Variants in TAFA5 observed in about 807,000 individuals in gnomAD.
TAFA5 encodes the protein chemokine-like protein TAFA-5.
In TAFA5, 6 loss-of-function variants were observed where a neutral mutation model predicts 15.3. The ratio of observed to expected loss-of-function variants is 0.39; its 90% CI spans 0.21 to 0.77. The LOEUF is 0.77. TAFA5 is among the 30% of genes least tolerant of loss of function. The pLI, the probability that TAFA5 is intolerant of heterozygous loss-of-function variation, is 0.41. For missense variants in TAFA5, 161 were observed against 193.1 expected (o/e 0.83, Z 0.98); for synonymous variants, 103 against 80.7 (o/e 1.28, Z -1.48).
chr22:48,737,538 G>A (rs1018496841), intron 3 of TAFA5, among the ~76,000 whole-genome samples: 1 of 152,234 alleles, frequency 6.6e-6, no homozygotes, highest in Non-Finnish European at 1.5e-5. Context: ...TCCTGGGGCT[G>A]GGAGAGGGCA....
intron 3 of TAFA5, among the ~76,000 whole-genome samples, chr22:48,738,189 G>A (rs1375678391): frequency 7.9e-5 from 12 of 152,196 alleles, no homozygotes; most frequent in African/African-American, 2.9e-4. Context: ...CCGAGCACGG[G>A]GAGCCCAGCA....
chr22:48,699,398 C>T (rs1015228268), intron 2 of TAFA5, among the ~76,000 whole-genome samples: 1 of 151,882 alleles, frequency 6.6e-6, no homozygotes, highest in African/African-American at 2.4e-5. Flanking sequence ...CACAAAACAG[C>T]GAAACCAATA....
At chr22:48,562,988 G>A (rs1923289380) in intron 1 of TAFA5, among the ~76,000 whole-genome samples, 1 of 152,240 alleles carries the variant, frequency 6.6e-6, no homozygotes, top group South Asian at 2.1e-4. Flanking sequence ...CTGCAGGCTG[G>A]TGCCTTGGCA....
intron 1 of TAFA5, among the ~76,000 whole-genome samples, chr22:48,611,881 G>C (rs1925423010): frequency 6.6e-6 from 1 of 152,238 alleles, no homozygotes; most frequent in South Asian, 2.1e-4. Context: ...CCTGAGGGCT[G>C]CTGAGAGTCA....
At chr22:48,718,239 C>T (rs1417796463) in intron 3 of TAFA5, among the ~76,000 whole-genome samples, 5 of 152,178 alleles carry the variant, frequency 3.3e-5, no homozygotes, top group African/African-American at 1.2e-4. Context: ...CACTTCCTGG[C>T]CCCCTGCACA....
chr22:48,606,687 G>A (rs1003181459), intron 1 of TAFA5, among the ~76,000 whole-genome samples: 29 of 152,308 alleles, frequency 1.9e-4, no homozygotes, highest in South Asian at 6.2e-4. Flanking sequence ...TGAAACTGGC[G>A]TCTGGGATTC....
intron 1 of TAFA5, among the ~76,000 whole-genome samples, chr22:48,531,403 A>T (rs1339059322): frequency 6.6e-6 from 1 of 152,128 alleles, no homozygotes; most frequent in East Asian, 1.9e-4. Flanking sequence ...CTTGCAGACA[A>T]CGTGAGTCTT....
chr22:48,517,201 C>T (rs1461870870), intron 1 of TAFA5, among the ~76,000 whole-genome samples: 3 of 152,282 alleles, frequency 2.0e-5, no homozygotes, highest in South Asian at 4.1e-4. Flanking sequence ...GGCACTCGGA[C>T]GTCCACCTGA....
rs118065593 is a variant in TAFA5 at position 48,563,378 on chromosome 22, C to T, written c.112+73674C>T. On this transcript the variant is annotated intron_variant, in intron 1 of 3. Coordinates refer to ENST00000402357, the MANE Select transcript of TAFA5 (RefSeq NM_001082967.3). ...CACGGGGGCCGTTTCTCCCAGCTTC[C>T]GGTGGTCTGTCTGGCCTCACTCACC... 9.1e-4 allele frequency among the ~76,000 whole-genome samples: 138 copies of T among 152,332 alleles called. 6 individuals are homozygous for T. In the East Asian group the frequency reaches 0.024, roughly 27 times the overall value.
chr22:48,717,265 A>G (rs998220743), intron 3 of TAFA5, among the ~76,000 whole-genome samples: 1 of 152,226 alleles, frequency 6.6e-6, no homozygotes, highest in Non-Finnish European at 1.5e-5. Context: ...TGCAGAGCGC[A>G]GGCTGCGACT....
chr22:48,617,779 G>C (rs1925664113), intron 1 of TAFA5, among the ~76,000 whole-genome samples: 1 of 152,214 alleles, frequency 6.6e-6, no homozygotes, highest in Non-Finnish European at 1.5e-5. Context: ...TGCCTGCTGG[G>C]CTGTGTGTTC....
At position 48,670,445 on chromosome 22, in the gene TAFA5, A is replaced by T. The variant is rs557714054; in HGVS notation, c.262+23699A>T. ...TGGTGGGCACTGGGTAAACACACCC[A>T]TGCCAGCCTTTTAGAGGCTAAGCCC... On this transcript the variant is annotated intron_variant, in intron 2 of 3. Transcript: ENST00000402357. Among the ~76,000 whole-genome samples, 54 of 152,360 alleles carry T rather than the reference A, an allele frequency of 3.5e-4. No individual in the cohort carries two copies. In the South Asian group the frequency reaches 0.011, roughly 30 times the overall value.
At chr22:48,589,601 C>G (rs1408563240) in intron 1 of TAFA5, among the ~76,000 whole-genome samples, 2 of 152,200 alleles carry the variant, frequency 1.3e-5, no homozygotes, top group African/African-American at 4.8e-5. Context: ...AGGGCCTTTG[C>G]AGATGTAGTT....
At chr22:48,548,403 C>A (rs900747566) in intron 1 of TAFA5, among the ~76,000 whole-genome samples, 1 of 152,292 alleles carries the variant, frequency 6.6e-6, no homozygotes, top group East Asian at 1.9e-4. Context: ...GTGTTTCCAA[C>A]CAGTATATAT....
At chr22:48,702,758 A>T (rs130134) in intron 2 of TAFA5, among the ~76,000 whole-genome samples, 89,951 of 152,114 alleles carry the variant, frequency 0.59, 27,722 homozygotes, top group African/African-American at 0.78. Flanking sequence ...TCCTCACCCG[A>T]GCCCGGGGAA....
In TAFA5 at chr22:48,648,436, G is replaced by A. The variant is rs578209200; in HGVS notation, c.262+1690G>A. On this transcript the variant is annotated intron_variant, in intron 2 of 3. Coordinates refer to ENST00000402357, the MANE Select transcript of TAFA5 (RefSeq NM_001082967.3). The stretch of plus-strand genomic sequence containing the variant: ...GAACACGGGGTCAGGGATAGAGCCT[G>A]CTGCTACGTGGGTGCTGGTGAAGGT... Among the ~76,000 whole-genome samples the A allele has an allele frequency of 6.6e-5, 10 of 152,284 alleles. No individual in the cohort carries two copies. The South Asian group carries it at 2.1e-3, about 32-fold the overall frequency.
At chr22:48,512,941 AAAAGAG>A (rs1459618437) in intron 1 of TAFA5, among the ~76,000 whole-genome samples, 65 of 147,726 alleles carry the variant, frequency 4.4e-4, no homozygotes, top group African/African-American at 1.4e-3. Context: ...AAAAAAAAAA[AAAAGAG>A]AGAGAGAGAG....
At chr22:48,629,674 G>A (rs1483644201) in intron 1 of TAFA5, among the ~76,000 whole-genome samples, 1 of 152,198 alleles carries the variant, frequency 6.6e-6, no homozygotes, top group Non-Finnish European at 1.5e-5. Flanking sequence ...GACAGCTGTG[G>A]TTGTTCCAAC....
At position 48,662,842 on chromosome 22, in the gene TAFA5, G is replaced by A. The variant is rs560251659; in HGVS notation, c.262+16096G>A. Among the ~76,000 whole-genome samples, 12 of 152,348 alleles carry A rather than the reference G, an allele frequency of 7.9e-5. 1 individual carries two copies. Among genetic ancestry groups the A allele is most frequent in the East Asian group, 3.9e-4 (2 of 5,174 alleles). ...GGGCCATCCTGGCCTACCCGCTGTC[G>A]CAGCTGCAATGGTGGCCTCCCCCAA... is the stretch of plus-strand genomic sequence containing the variant. On this transcript the variant is annotated intron_variant, in intron 2 of 3. Coordinates refer to ENST00000402357, the MANE Select transcript of TAFA5 (RefSeq NM_001082967.3).
Sources: allele counts gnomAD v4.1 joint callset (sites outside exome capture counted in the v4.1 genomes callset), GRCh38; gene constraint gnomAD v4.1.1; transcripts MANE v1.5; gene names NCBI Gene and HGNC (gene_info 2026-07-23, HGNC 2026-07-21).